Variants in BMP7 observed in about 807,000 individuals in gnomAD.
The protein encoded by BMP7 is osteogenic protein 1.
BMP7 carries 12 observed loss-of-function variants against 41.2 expected under a neutral mutation model. The ratio of observed to expected loss-of-function variants is 0.29; its 90% CI spans 0.19 to 0.47. The LOEUF is 0.47. Among genes scored for constraint, BMP7 ranks in the 20% least tolerant of loss-of-function variants. The pLI is 0.99. For synonymous variants in BMP7, 248 were observed against 250.0 expected, an observed-to-expected ratio of 0.99 and a Z score of 0.07; for missense variants, 467 against 606.0, an observed-to-expected ratio of 0.77 and a Z score of 2.41.
chr20:57,214,045 C>T lies in BMP7; in HGVS notation c.612-11422G>A, dbSNP rs970233685. Among the ~76,000 whole-genome samples, 4 of 152,144 alleles carry T rather than the reference C, an allele frequency of 2.6e-5. No homozygotes were observed. Among genetic ancestry groups the T allele is most frequent in the African/African-American group, 9.7e-5 (4 of 41,422 alleles). The stretch of plus-strand genomic sequence containing the variant: ...AAGATCACAGCTGCAGTGAGCTGAC[C>T]CCAACTCAAGATGGAACCATCTTAG... On this transcript the variant is annotated intron_variant, in intron 2 of 6. Coordinates refer to ENST00000395863, the MANE Select transcript of BMP7 (RefSeq NM_001719.3). The surrounding 1 kb of genome is among the most constrained non-coding windows in gnomAD (Gnocchi z 4.0).
intron 1 of BMP7, among the ~76,000 whole-genome samples, chr20:57,250,931 G>A (rs1033150569): frequency 3.9e-5 from 6 of 152,182 alleles, no homozygotes; most frequent in African/African-American, 9.6e-5. Flanking sequence ...AGGTATCATC[G>A]CAAAGAGAAG....
chr20:57,234,230 T>C (rs1334962283), intron 1 of BMP7, among the ~76,000 whole-genome samples: 2 of 152,232 alleles, frequency 1.3e-5, no homozygotes, highest in Non-Finnish European at 1.5e-5. Context: ...AGCCTTAACC[T>C]TGGCCACACA....
chr20:57,236,830 T>C (rs1488997740), intron 1 of BMP7, among the ~76,000 whole-genome samples: 2 of 151,210 alleles, frequency 1.3e-5, no homozygotes, highest in Non-Finnish European at 2.9e-5. Flanking sequence ...TTTGTATCCA[T>C]GAAAAGGGGA....
chr20:57,181,017 C>T (rs1600729040), intron 4 of BMP7, among the ~76,000 whole-genome samples: 1 of 152,212 alleles, frequency 6.6e-6, no homozygotes, highest in Admixed American at 6.5e-5. Context: ...GCCCCTTGCT[C>T]CCCTTGGGTG....
At chr20:57,229,494 G>A (rs2066020448) in intron 1 of BMP7, among the ~76,000 whole-genome samples, 1 of 152,198 alleles carries the variant, frequency 6.6e-6, no homozygotes, top group African/African-American at 2.4e-5. Flanking sequence ...GTGTTTCTGG[G>A]TGGGGACCTG....
intron 3 of BMP7, among the ~76,000 whole-genome samples, chr20:57,199,413 C>T (rs1984572878): frequency 6.6e-6 from 1 of 152,216 alleles, no homozygotes. Flanking sequence ...ATACTGGGTG[C>T]AGCGTGCACT....
At chr20:57,176,690 T>A (rs1983928512) in intron 4 of BMP7, among the ~76,000 whole-genome samples, 1 of 151,718 alleles carries the variant, frequency 6.6e-6, no homozygotes, top group South Asian at 2.1e-4. Flanking sequence ...AGTTTCATAT[T>A]TTCTTCTTCT....
intron 2 of BMP7, among the ~76,000 whole-genome samples, chr20:57,221,949 T>A (rs1985199618): frequency 6.6e-6 from 1 of 151,776 alleles, no homozygotes; most frequent in South Asian, 2.1e-4. Flanking sequence ...AAGGCAGCCA[T>A]CCCTTCTCCC....
chr20:57,224,116 A>T lies in BMP7; in HGVS notation c.611+4113T>A, dbSNP rs1441349199. On this transcript the variant is annotated intron_variant, in intron 2 of 6. Coordinates refer to ENST00000395863, the MANE Select transcript of BMP7 (RefSeq NM_001719.3). This position sits in a 1 kb window ranked among gnomAD's most constrained non-coding sequence, Gnocchi z 4.8. ...AAGAGCCTCTGCCTGGGCTGAAGGG[A>T]CCCAGGAAACTGAGCCCAGGCCTCC... Among the ~76,000 whole-genome samples the T allele has an allele frequency of 3.3e-5, 5 of 152,116 alleles. No individual in the cohort carries two copies. The highest frequency in any genetic ancestry group is 7.4e-5 in the Non-Finnish European group (5 of 68,000).
chr20:57,175,143 CAAAAGCCAGTTCGAGGGTCTAACTGCCTT>C, intron 4 of BMP7, 136 bp from the exon 5 acceptor site: 1 of 948,422 alleles, frequency 1.1e-6, no homozygotes, highest in Non-Finnish European at 1.6e-6. Flanking sequence ...TTTCCCGATT[CAAAAGCCAGTTCGAGGGTCTAACTGCCTT>C]AAAACTCATT....
At chr20:57,238,169 A>C (rs186206638) in intron 1 of BMP7, among the ~76,000 whole-genome samples, 1 of 152,236 alleles carries the variant, frequency 6.6e-6, no homozygotes, top group Non-Finnish European at 1.5e-5. Flanking sequence ...TGTCTCTATG[A>C]ATCTGACTGC....
At chr20:57,195,185 C>T (rs1280785974) in intron 3 of BMP7, among the ~76,000 whole-genome samples, 5 of 152,312 alleles carry the variant, frequency 3.3e-5, no homozygotes, top group Admixed American at 2.0e-4. Context: ...GCAGGGAGCA[C>T]AGTGAGGCCC....
At chr20:57,198,844 G>A (rs1046103417) in intron 3 of BMP7, among the ~76,000 whole-genome samples, 1 of 152,184 alleles carries the variant, frequency 6.6e-6, no homozygotes, top group African/African-American at 2.4e-5. Context: ...ATGGAAACAC[G>A]CTGGCCCAAA....
intron 1 of BMP7, among the ~76,000 whole-genome samples, chr20:57,239,383 G>T (rs2066060617): frequency 6.6e-6 from 1 of 152,204 alleles, no homozygotes; most frequent in Non-Finnish European, 1.5e-5. Context: ...GGCTTCCCAT[G>T]GTCTTAGGCA....
intron 1 of BMP7, among the ~76,000 whole-genome samples, chr20:57,237,864 A>C (rs2066053705): frequency 6.6e-6 from 1 of 152,258 alleles, no homozygotes; most frequent in Non-Finnish European, 1.5e-5. Flanking sequence ...AGTTCATAGA[A>C]GCTCACTTAG....
At chr20:57,200,473 G>A (rs1348353386) in intron 3 of BMP7, among the ~76,000 whole-genome samples, 2 of 152,202 alleles carry the variant, frequency 1.3e-5, no homozygotes, top group Non-Finnish European at 2.9e-5. Flanking sequence ...GGGGAATGAT[G>A]AGGGCAGGAC....
At position 57,206,169 on chromosome 20, in the gene BMP7, T is replaced by G. The variant is rs145542268; in HGVS notation, c.612-3546A>C. On this transcript the variant is annotated intron_variant, in intron 2 of 6. Transcript: ENST00000395863. ...AAGGAGCCCTTTGTGACATTTTTAT[T>G]TACCTTGAACACACTGGCCTCCCCG... Among the ~76,000 whole-genome samples, 167 of 152,278 alleles carry G rather than the reference T, an allele frequency of 1.1e-3. No individual in the cohort carries two copies. In the East Asian group the frequency reaches 0.021, roughly 19 times the overall value.
intron 1 of BMP7, among the ~76,000 whole-genome samples, chr20:57,252,349 T>C (rs1275161569): frequency 6.6e-6 from 1 of 152,222 alleles, no homozygotes. Context: ...CAGGTCTCCC[T>C]GCTCCAAGCA....
At position 57,266,263 on chromosome 20, in the gene BMP7, T is replaced by C. The variant is rs1249912215; in HGVS notation, c.-141A>G. On this transcript the variant is annotated 5_prime_UTR_variant, in exon 1 of 7. Coordinates refer to ENST00000395863, the MANE Select transcript of BMP7 (RefSeq NM_001719.3). ...CTGCGCCCGCGCCAGACATGGCCCC[T>C]CCCCGGCCGGCCGCGCTCTGCCCGG... 2 of 834,248 alleles carry C rather than the reference T, an allele frequency of 2.4e-6. No individual in the cohort carries two copies. Among genetic ancestry groups the C allele is most frequent in the Non-Finnish European group, 1.6e-6 (1 of 619,868 alleles). 51.7% of individuals were successfully genotyped at this position (834,248 alleles called of 1,614,324 possible).
Sources: gnomAD v4.1 joint callset for allele counts (sites outside exome capture counted in the v4.1 genomes callset) on GRCh38, gnomAD v4.1.1 for gene constraint, Gnocchi (gnomAD v3.1) non-coding constraint, MANE v1.5 for transcripts, NCBI Gene and HGNC (gene_info 2026-07-23, HGNC 2026-07-21) for gene names.